The following SLC43A2 variants were observed in gnomAD, a reference collection of about 807,000 sequenced individuals.
SLC43A2 encodes the protein solute carrier family 43 member 2.
A neutral mutation model predicts 63.2 loss-of-function variants in SLC43A2; 38 were observed. The observed-to-expected ratio is 0.60, with a 90% CI of 0.46 to 0.79. SLC43A2 has a LOEUF of 0.79. SLC43A2 is among the 30% of genes least tolerant of loss of function. The probability of loss-of-function intolerance (pLI) is 0.00; values close to 1 mark genes in which losing one functional copy is unlikely to be tolerated. For synonymous variants in SLC43A2, 322 were observed against 331.0 expected (o/e 0.97, Z 0.30); for missense variants, 644 against 756.2 (o/e 0.85, Z 1.74).
Position 1,605,366 on chromosome 17 carries a change from G to T in SLC43A2, c.501+7829C>A. On this transcript the variant is annotated intron_variant, in intron 5 of 13. Transcript: ENST00000301335. The surrounding 1 kb of genome is among the most constrained non-coding windows in gnomAD (Gnocchi z 4.9). Reference sequence around the variant, plus strand: ...TAGAGCATGACCACCGGACAGGAGTGCCTGCAGGGCCAAGGCCCTGGGACA... The same window carrying T: ...TAGAGCATGACCACCGGACAGGAGTTCCTGCAGGGCCAAGGCCCTGGGACA... 1 of 361,974 alleles carries T rather than the reference G, an allele frequency of 2.8e-6. No individual in the cohort carries two copies. The highest frequency in any genetic ancestry group is 3.9e-6 in the Non-Finnish European group (1 of 254,502). 22.4% of individuals were successfully genotyped at this position (361,974 alleles called of 1,614,324 possible). A position where few individuals can be genotyped will look rare whatever the true frequency, so the allele number is the denominator to read the frequency against.
At position 1,605,070 on chromosome 17, in the gene SLC43A2, CACCACACTCACA is replaced by C; in HGVS notation, c.501+8113_501+8124del. On this transcript the variant is annotated intron_variant, in intron 5 of 13. Transcript: ENST00000301335. The surrounding 1 kb of genome is among the most constrained non-coding windows in gnomAD (Gnocchi z 4.9). The stretch of plus-strand genomic sequence containing the variant: ...AAGCCGGAGCTGTTTCCTGACTCAC[CACCACACTCACA>C]GGTGGGAGTGCAAGCCCCTCTTCCC... 7.8e-6 allele frequency: 7 copies of C among 894,348 alleles called. No individual in the cohort carries two copies. Among genetic ancestry groups the C allele is most frequent in the Non-Finnish European group, 7.6e-6 (5 of 655,288 alleles). 55.4% of individuals were successfully genotyped at this position (894,348 alleles called of 1,614,324 possible).
At chr17:1,620,592 G>A (rs537744817) in intron 2 of SLC43A2, among the ~76,000 whole-genome samples, 65 of 152,076 alleles carry the variant, frequency 4.3e-4, no homozygotes, top group African/African-American at 1.4e-3. Flanking sequence ...CCCTCTGCCC[G>A]GCCGCCTGCC....
chr17:1,612,473 C>T (rs1275760032), intron 5 of SLC43A2, among the ~76,000 whole-genome samples: 3 of 152,330 alleles, frequency 2.0e-5, no homozygotes, highest in Middle Eastern at 3.4e-3. Context: ...CATCTGGCTC[C>T]GGACAAAGGC....
chr17:1,622,375 A>G (rs1908234908), intron 2 of SLC43A2, among the ~76,000 whole-genome samples: 1 of 150,906 alleles, frequency 6.6e-6, no homozygotes, highest in Non-Finnish European at 1.5e-5. Flanking sequence ...CATCGTGGCT[A>G]ACACGGTGAA....
intron 9 of SLC43A2, among the ~76,000 whole-genome samples, chr17:1,586,639 G>A (rs1035699893): frequency 6.6e-6 from 1 of 152,068 alleles, no homozygotes; most frequent in East Asian, 1.9e-4. Context: ...GTTGCAGTGA[G>A]CCAAGATCAT....
At position 1,573,519 on chromosome 17, in the gene SLC43A2, A is replaced by G. The variant is rs2075877090; in HGVS notation, c.*2085T>C. 1 of 152,258 alleles carries G rather than the reference A, an allele frequency of 6.6e-6. No homozygotes were observed. Among genetic ancestry groups the G allele is most frequent in the Non-Finnish European group, 1.5e-5 (1 of 68,044 alleles). The allele number at this position is 152,258 out of a possible 1,614,324, so 9.4% of individuals were successfully genotyped here. On this transcript the variant is annotated 3_prime_UTR_variant, in exon 14 of 14. Transcript: ENST00000301335. ...AGGAAACAGGCTTGACTTTTAACTCAGCCTTTCCCAAACTTGACTATAATA... is the reference window on the plus strand; with the variant it reads ...AGGAAACAGGCTTGACTTTTAACTCGGCCTTTCCCAAACTTGACTATAATA...
At chr17:1,615,652 G>C (rs369598092) in intron 3 of SLC43A2, among the ~76,000 whole-genome samples, 4 of 149,960 alleles carry the variant, frequency 2.7e-5, no homozygotes, top group Non-Finnish European at 5.9e-5. Context: ...GACCATCCTG[G>C]CTAACACAGT....
intron 4 of SLC43A2, among the ~76,000 whole-genome samples, chr17:1,614,104 G>A (rs560936242): frequency 3.3e-5 from 5 of 152,124 alleles, no homozygotes; most frequent in East Asian, 3.9e-4. Context: ...TTAGCCAGGC[G>A]TGGTGGCGGG....
Position 1,584,043 on chromosome 17 carries a change from G to A in SLC43A2, c.1218-707C>T, listed in dbSNP as rs1289743796. Among the ~76,000 whole-genome samples the A allele has an allele frequency of 2.6e-5, 4 of 151,856 alleles. No homozygotes were observed. The South Asian group carries it at 6.2e-4, about 24-fold the overall frequency. On this transcript the variant is annotated intron_variant, in intron 10 of 13. Coordinates refer to ENST00000301335, the MANE Select transcript of SLC43A2 (RefSeq NM_152346.3). ...CCCGAGTAGCTGGGACTACAGGCAC[G>A]CGCCACCTTACCCGGCTAATTTTTG... is the stretch of plus-strand genomic sequence containing the variant.
At position 1,616,585 on chromosome 17, in the gene SLC43A2, C is replaced by A. The variant is rs779922488; in HGVS notation, c.345G>T (p.Pro115=). 2.5e-6 allele frequency: 4 copies of A among 1,612,964 alleles called. No individual in the cohort carries two copies. In the Admixed American group the frequency reaches 6.7e-5, roughly 27 times the overall value. The change falls in exon 3 of 14, where the codon CCG becomes CCT. Residue 115 remains proline, a synonymous_variant. Transcript: ENST00000301335. ...PLGIVMDKYG[P]RKLRLLGSAC... ...ACCTGCCCAGCAGCCTGAGCTTCCT[C>A]GGGCCATACTTGTCCATGACGATAC... is the stretch of plus-strand genomic sequence containing the variant.
intron 5 of SLC43A2, among the ~76,000 whole-genome samples, chr17:1,602,209 A>G (rs978952591): frequency 6.6e-6 from 1 of 152,024 alleles, no homozygotes; most frequent in South Asian, 2.1e-4. Context: ...GTCTCACTCT[A>G]TTGCCCAGGC....
At position 1,574,859 on chromosome 17, in the gene SLC43A2, AT is replaced by A. The variant is rs2075897161; in HGVS notation, c.*744del. 1 of 152,498 alleles carries A rather than the reference AT, an allele frequency of 6.6e-6. No homozygotes were observed. The highest frequency in any genetic ancestry group is 1.9e-4 in the East Asian group (1 of 5,182). 9.4% of individuals were successfully genotyped at this position (152,498 alleles called of 1,614,324 possible). ...CACCTCCACAAAAGCAGCTGTGTGT[AT>A]GTACGGGGTGCCCTGGCGGCGGTCC... On this transcript the variant is annotated 3_prime_UTR_variant, in exon 14 of 14. Coordinates refer to ENST00000301335, the MANE Select transcript of SLC43A2 (RefSeq NM_152346.3).
intron 2 of SLC43A2, among the ~76,000 whole-genome samples, chr17:1,620,546 C>T (rs927644908): frequency 6.6e-6 from 1 of 152,150 alleles, no homozygotes; most frequent in African/African-American, 2.4e-5. Context: ...ACAGCCTTCT[C>T]GTCTTAAACA....
intron 4 of SLC43A2, 98 bp downstream of exon 4, chr17:1,614,881 C>G (rs1907450617): frequency 8.2e-7 from 1 of 1,222,284 alleles, no homozygotes. Context: ...CAGGGAGCAG[C>G]AGGCCCAGGA....
In SLC43A2 at chr17:1,578,591, G is replaced by GA. The variant is rs1335023158; in HGVS notation, c.1351-269dup. 2.3e-6 allele frequency: 1 copy of GA among 437,162 alleles called. No homozygotes were observed. The highest frequency in any genetic ancestry group is 4.1e-6 in the Non-Finnish European group (1 of 241,808). 27.1% of individuals were successfully genotyped at this position (437,162 alleles called of 1,614,324 possible). On this transcript the variant is annotated intron_variant, in intron 11 of 13. Coordinates refer to ENST00000301335, the MANE Select transcript of SLC43A2 (RefSeq NM_152346.3). The surrounding 1 kb of genome is among the most constrained non-coding windows in gnomAD (Gnocchi z 6.5). ...CGCCCAGGCTGGAGTGCAGTGGCGT[G>GA]ATCTTGGCTCACTGCAAGCTTCGCC...
At chr17:1,621,813 G>A (rs1484847757) in intron 2 of SLC43A2, among the ~76,000 whole-genome samples, 6 of 152,202 alleles carry the variant, frequency 3.9e-5, no homozygotes, top group African/African-American at 7.2e-5. Flanking sequence ...CAAAGCTCCC[G>A]CTCTTACCAC....
chr17:1,588,256 G>T (rs1466846842), intron 9 of SLC43A2, among the ~76,000 whole-genome samples: 1 of 151,998 alleles, frequency 6.6e-6, no homozygotes, highest in African/African-American at 2.4e-5. Context: ...CATGGTGGCA[G>T]GTGCCTGTAA....
intron 6 of SLC43A2, among the ~76,000 whole-genome samples, chr17:1,592,748 C>T (rs1453518077): frequency 9.2e-5 from 14 of 152,198 alleles, no homozygotes; most frequent in Admixed American, 9.2e-4. Flanking sequence ...GTGACTTCCA[C>T]AGGCTCAAAA....
In SLC43A2 at chr17:1,591,586, C is replaced by T. The variant is rs1328497731; in HGVS notation, c.708G>A (p.Gly236=). 6.5e-6 allele frequency: 10 copies of T among 1,549,924 alleles called. No homozygotes were observed. Among genetic ancestry groups the T allele is most frequent in the Non-Finnish European group, 6.1e-6 (7 of 1,147,326 alleles). Residue 236 remains glycine, a synonymous_variant, in exon 7 of 14, where the codon GGG becomes GGA. Coordinates refer to ENST00000301335, the MANE Select transcript of SLC43A2 (RefSeq NM_152346.3). ...CTTACGAGTAGTCCATGTCCTCCGGCCCCGGGAAGGGCTCAAGGGGCCAGT... is the reference window on the plus strand; with the variant it reads ...CTTACGAGTAGTCCATGTCCTCCGGTCCCGGGAAGGGCTCAAGGGGCCAGT... ...FFNWPLEPFP[G]PEDMDYSVKI...
Sources: gnomAD v4.1 joint callset for allele counts (sites outside exome capture counted in the v4.1 genomes callset) on GRCh38, gnomAD v4.1.1 for gene constraint, Gnocchi (gnomAD v3.1) non-coding constraint, MANE v1.5 for transcripts, NCBI Gene and HGNC (gene_info 2026-07-23, HGNC 2026-07-21) for gene names.